Variants in MAST2 observed in about 807,000 individuals in gnomAD.
MAST2 encodes microtubule associated serine/threonine kinase 2, also known as microtubule-associated serine/threonine-protein kinase 2.
In MAST2, 70 loss-of-function variants were observed where a neutral mutation model predicts 147.4. The observed-to-expected ratio is 0.47, with a 90% CI of 0.39 to 0.58. MAST2 has a LOEUF of 0.58. MAST2 is among the 20% of genes least tolerant of loss of function. MAST2 has a pLI of 0.00. For missense variants in MAST2, 2,080 were observed against 2,302.3 expected (o/e 0.90, Z 1.98); for synonymous variants, 869 against 896.8 (o/e 0.97, Z 0.55).
intron 1 of MAST2, among the ~76,000 whole-genome samples, chr1:45,824,199 A>G (rs1466720801): frequency 6.6e-6 from 1 of 152,192 alleles, no homozygotes; most frequent in Non-Finnish European, 1.5e-5. Flanking sequence ...CTGTCATCCC[A>G]TGACCTTTCT....
intron 4 of MAST2, among the ~76,000 whole-genome samples, chr1:45,943,255 CTTGA>C (rs1202121649): frequency 6.6e-6 from 1 of 152,108 alleles, no homozygotes; most frequent in African/African-American, 2.4e-5. Context: ...CATGAAGAGT[CTTGA>C]TTGTCATGCT....
chr1:45,917,876 A>G (rs1266465644), intron 4 of MAST2, among the ~76,000 whole-genome samples: 2 of 152,206 alleles, frequency 1.3e-5, no homozygotes, highest in African/African-American at 4.8e-5. Flanking sequence ...ACACGATGGG[A>G]AAATTTGAGT....
chr1:45,942,372 A>G (rs542161443), intron 4 of MAST2, among the ~76,000 whole-genome samples: 13 of 152,318 alleles, frequency 8.5e-5, no homozygotes, highest in African/African-American at 2.9e-4. Context: ...TTTCTTCAGT[A>G]AAGCTACCTG....
chr1:45,937,751 C>CAAAAAAAAAAAAAAAAA (rs34830747), intron 4 of MAST2, among the ~76,000 whole-genome samples: 8 of 73,222 alleles, frequency 1.1e-4, no homozygotes, highest in Non-Finnish European at 1.2e-4. Flanking sequence ...AACTCCATCT[C>CAAAAAAAAAAAAAAAAA]AAAAAAAAAA....
At position 46,028,779 on chromosome 1, in the gene MAST2, C is replaced by T. The variant is rs917592136; in HGVS notation, c.2064C>T (p.Thr688=). The T allele has an allele frequency of 8.7e-6, 14 of 1,613,978 alleles. No individual in the cohort carries two copies. The African/African-American group carries it at 1.5e-4, about 17-fold the overall frequency. The stretch of plus-strand genomic sequence containing the variant: ...TTTTCTGTGCCCAGGTATGCGGGAC[C>T]CCAGAATACATTGCGCCTGAGGTGA... The part of the protein sequence containing the change: ...REFLDKQVCG[T]PEYIAPEVIL... Residue 688 remains threonine, a synonymous_variant, in exon 18 of 29, where the codon ACC becomes ACT. Coordinates refer to ENST00000361297, the MANE Select transcript of MAST2 (RefSeq NM_015112.3).
At chr1:45,933,063 TAAA>T (rs61544126) in intron 4 of MAST2, among the ~76,000 whole-genome samples, 10,118 of 88,110 alleles carry the variant, frequency 0.11, 574 homozygotes, top group Middle Eastern at 0.19. Context: ...CCCATTTCTT[TAAA>T]AAAAAAAAAA....
chr1:45,961,663 C>G (rs578060791), intron 5 of MAST2, among the ~76,000 whole-genome samples: 22 of 152,236 alleles, frequency 1.4e-4, no homozygotes, highest in Non-Finnish European at 2.6e-4. Flanking sequence ...GACATAAAAG[C>G]CCAGTTTGTG....
intron 10 of MAST2, among the ~76,000 whole-genome samples, chr1:46,017,881 C>T (rs572744626): frequency 3.7e-4 from 57 of 152,216 alleles, no homozygotes; most frequent in Admixed American, 2.3e-3. Context: ...ATGTTTATTG[C>T]GGCACTATTC....
intron 3 of MAST2, among the ~76,000 whole-genome samples, chr1:45,839,350 A>T (rs6676435): frequency 6.6e-6 from 1 of 152,100 alleles, no homozygotes; most frequent in Non-Finnish European, 1.5e-5. Context: ...GGCTGGTCTC[A>T]AACTCCTGAC....
At chr1:45,893,890 C>G (rs866605460) in intron 4 of MAST2, among the ~76,000 whole-genome samples, 5 of 152,014 alleles carry the variant, frequency 3.3e-5, no homozygotes, top group Non-Finnish European at 7.4e-5. Context: ...GGAGAAAACA[C>G]GTCTTTGTGA....
At chr1:45,824,043 G>C (rs1471118811) in intron 1 of MAST2, among the ~76,000 whole-genome samples, 1 of 152,070 alleles carries the variant, frequency 6.6e-6, no homozygotes, top group African/African-American at 2.4e-5. Flanking sequence ...TTATATGCCA[G>C]GTAAAGTCTA....
intron 3 of MAST2, among the ~76,000 whole-genome samples, chr1:45,868,207 C>G (rs1433657721): frequency 6.6e-6 from 1 of 152,174 alleles, no homozygotes; most frequent in Non-Finnish European, 1.5e-5. Flanking sequence ...TTTGAAGCAT[C>G]TACACATGGA....
At chr1:45,997,198 G>T (rs1305578112) in intron 5 of MAST2, among the ~76,000 whole-genome samples, 1 of 152,192 alleles carries the variant, frequency 6.6e-6, no homozygotes, top group Non-Finnish European at 1.5e-5. Flanking sequence ...TGGGGGCCTT[G>T]ATTACGAACT....
chr1:45,916,665 T>A (rs1223707849), intron 4 of MAST2, among the ~76,000 whole-genome samples: 1 of 152,234 alleles, frequency 6.6e-6, no homozygotes, highest in Non-Finnish European at 1.5e-5. Context: ...CAGAATGTTT[T>A]ACTCTTAGGG....
intron 4 of MAST2, among the ~76,000 whole-genome samples, chr1:45,890,951 G>C (rs1171759487): frequency 6.6e-6 from 1 of 152,150 alleles, no homozygotes; most frequent in African/African-American, 2.4e-5. Flanking sequence ...TTTGAAATAT[G>C]TGTAAAGCTA....
chr1:45,809,033 T>G (rs1644218349), intron 1 of MAST2, among the ~76,000 whole-genome samples: 1 of 152,218 alleles, frequency 6.6e-6, no homozygotes, highest in African/African-American at 2.4e-5. Flanking sequence ...CTGTTCCATT[T>G]ACTTCTGTAT....
intron 18 of MAST2, 68 bp from the exon 19 acceptor site, chr1:46,029,398 G>A: frequency 1.5e-6 from 2 of 1,343,298 alleles, no homozygotes; most frequent in Non-Finnish European, 2.1e-6. Context: ...ACTGTTCTGG[G>A]ACCCTCTTCT....
intron 4 of MAST2, among the ~76,000 whole-genome samples, chr1:45,918,226 C>A (rs1246860278): frequency 2.0e-5 from 3 of 152,182 alleles, no homozygotes; most frequent in East Asian, 1.9e-4. Context: ...GGTAAGTTGA[C>A]ATAAAAGACC....
In MAST2 at chr1:46,036,114, T is replaced by C; in HGVS notation, c.*48T>C. 1 of 1,511,020 alleles carries C rather than the reference T, an allele frequency of 6.6e-7. No homozygotes were observed. Among genetic ancestry groups the C allele is most frequent in the Non-Finnish European group, 8.9e-7 (1 of 1,120,662 alleles). The allele number at this position is 1,511,020 out of a possible 1,614,324, so 93.6% of individuals were successfully genotyped here. On this transcript the variant is annotated 3_prime_UTR_variant, in exon 29 of 29. Transcript: ENST00000361297. ...CTCAGACCTGTGTAATATATGCTCC[T>C]GGAAACCATCTTTATGTCTTTTGCT...
Sources: gnomAD v4.1 joint callset for allele counts (sites outside exome capture counted in the v4.1 genomes callset) on GRCh38, gnomAD v4.1.1 for gene constraint, MANE v1.5 for transcripts, NCBI Gene and HGNC (gene_info 2026-07-23, HGNC 2026-07-21) for gene names.